Variants in CIMIP4 observed in about 807,000 individuals in gnomAD.
CIMIP4 encodes protein EAN57.
At chr22:37,002,009 C>A in the CIMIP4 span, 3 of 1,613,582 alleles carry the variant, frequency 1.9e-6, no homozygotes, top group Non-Finnish European at 2.5e-6. Flanking sequence ...CGAGGTGGCC[C>A]TGTTCTCTCT....
the CIMIP4 span, among the ~76,000 whole-genome samples, chr22:37,006,805 G>A: frequency 6.6e-6 from 1 of 152,194 alleles, no homozygotes; most frequent in Non-Finnish European, 1.5e-5. Flanking sequence ...ACTGGACATA[G>A]TGATGAATGG....
At chr22:36,997,138 C>T in the CIMIP4 span, among the ~76,000 whole-genome samples, 1 of 152,274 alleles carries the variant, frequency 6.6e-6, no homozygotes, top group East Asian at 1.9e-4. Context: ...TTACTACTTT[C>T]TTAAATGGCT....
chr22:37,001,976 T>C, the CIMIP4 span: 1 of 1,613,856 alleles, frequency 6.2e-7, no homozygotes, highest in Admixed American at 1.7e-5. Flanking sequence ...ATCCGTCCCC[T>C]GGCATGGCTG....
the CIMIP4 span, among the ~76,000 whole-genome samples, chr22:37,003,254 G>A: frequency 6.6e-6 from 1 of 152,226 alleles, no homozygotes. Flanking sequence ...CAGAGCTGCT[G>A]CATCAGAAAG....
At chr22:37,003,889 C>A in the CIMIP4 span, 2 of 1,445,712 alleles carry the variant, frequency 1.4e-6, no homozygotes, top group South Asian at 1.3e-5. Context: ...GAGAAAGGGC[C>A]GGTGCCCTGC....
the CIMIP4 span, among the ~76,000 whole-genome samples, chr22:36,999,576 A>G: frequency 2.0e-3 from 6 of 2,934 alleles, no homozygotes; most frequent in African/African-American, 2.6e-3. Context: ...GGGGGAGGGG[A>G]GGGGAGGGGG....
the CIMIP4 span, chr22:37,002,449 G>T: frequency 1.9e-6 from 1 of 518,528 alleles, no homozygotes; most frequent in Non-Finnish European, 3.2e-6. Flanking sequence ...CCAGAGAAGG[G>T]GAGAGGGACG....
the CIMIP4 span, chr22:37,002,441 A>G: frequency 1.9e-6 from 1 of 538,698 alleles, no homozygotes. Context: ...CTCCACAGCC[A>G]GAGAAGGGGA....
chr22:37,002,601 G>T, the CIMIP4 span, among the ~76,000 whole-genome samples: 30,196 of 152,102 alleles, frequency 0.2, 3,362 homozygotes, highest in East Asian at 0.53. Context: ...AGCCTGTCCC[G>T]CCTTGAGGCC....
the CIMIP4 span, chr22:37,002,330 G>A: frequency 3.1e-6 from 4 of 1,303,396 alleles, no homozygotes; most frequent in Admixed American, 1.5e-4. Flanking sequence ...GAAACAGAGG[G>A]GGAGGGAGAG....
chr22:37,005,712 G>T, the CIMIP4 span, among the ~76,000 whole-genome samples: 1 of 152,182 alleles, frequency 6.6e-6, no homozygotes, highest in African/African-American at 2.4e-5. Flanking sequence ...TGTGACTAAT[G>T]AACTGAATGA....
chr22:37,002,901 C>CAGGG, the CIMIP4 span, among the ~76,000 whole-genome samples: 1 of 152,294 alleles, frequency 6.6e-6, no homozygotes, highest in East Asian at 1.9e-4. Flanking sequence ...TCCCAGCCAC[C>CAGGG]TCCCAGGCTC....
At chr22:37,005,946 G>A in the CIMIP4 span, among the ~76,000 whole-genome samples, 16 of 152,196 alleles carry the variant, frequency 1.1e-4, no homozygotes, top group Admixed American at 1.0e-3. Flanking sequence ...CCAGGAGTGT[G>A]ACTGTGCGAC....
the CIMIP4 span, among the ~76,000 whole-genome samples, chr22:36,996,532 A>T: frequency 1.3e-5 from 2 of 152,314 alleles, no homozygotes; most frequent in East Asian, 3.9e-4. Context: ...AGAGATATCG[A>T]AGGAAGACTT....
the CIMIP4 span, among the ~76,000 whole-genome samples, chr22:37,001,640 C>T: frequency 2.6e-4 from 40 of 152,142 alleles, no homozygotes; most frequent in Non-Finnish European, 2.1e-4. Flanking sequence ...TAGTACCTTC[C>T]TCATGGGTTG....
At chr22:37,002,575 C>T in the CIMIP4 span, among the ~76,000 whole-genome samples, 1 of 152,204 alleles carries the variant, frequency 6.6e-6, no homozygotes, top group Non-Finnish European at 1.5e-5. Context: ...CCTGGGGCAA[C>T]AAGGGCTGCC....
At chr22:37,000,268 G>T in the CIMIP4 span, among the ~76,000 whole-genome samples, 1 of 152,022 alleles carries the variant, frequency 6.6e-6, no homozygotes, top group Non-Finnish European at 1.5e-5. Context: ...TGGGACGGGG[G>T]GTCTCTATAG....
At chr22:37,001,663 A>G in the CIMIP4 span, among the ~76,000 whole-genome samples, 2 of 152,212 alleles carry the variant, frequency 1.3e-5, no homozygotes, top group Non-Finnish European at 2.9e-5. Context: ...GGGAAGATGT[A>G]ACAACTTGTT....
chr22:37,000,470 C>G, the CIMIP4 span, among the ~76,000 whole-genome samples: 551 of 152,284 alleles, frequency 3.6e-3, 3 homozygotes, highest in African/African-American at 0.013. Flanking sequence ...AATAGGGAAA[C>G]TGACACACAG....
Sources: gnomAD v4.1 joint callset for allele counts (sites outside exome capture counted in the v4.1 genomes callset) on GRCh38, gnomAD v4.1.1 for gene constraint, MANE v1.5 for transcripts, NCBI Gene and HGNC (gene_info 2026-07-23, HGNC 2026-07-21) for gene names.